MCTP1: variants seen among roughly 807,000 people sequenced by gnomAD.
MCTP1 encodes multiple C2 and transmembrane domain-containing protein 1.
MCTP1 carries 69 observed loss-of-function variants against 120.6 expected under a neutral mutation model. That is an observed-to-expected ratio of 0.57 (90% CI 0.47 to 0.70). The LOEUF is 0.70. MCTP1 is among the 30% of genes least tolerant of loss of function. The pLI is 0.00. For missense variants in MCTP1, 1,203 were observed against 1,248.8 expected, an observed-to-expected ratio of 0.96 and a Z score of 0.55; for synonymous variants, 529 against 493.1, an observed-to-expected ratio of 1.07 and a Z score of -0.96.
chr5:94,968,691 T>C (rs979593228), intron 2 of MCTP1, among the ~76,000 whole-genome samples: 4 of 152,210 alleles, frequency 2.6e-5, no homozygotes, highest in African/African-American at 9.6e-5. Flanking sequence ...AACCACAAGA[T>C]GGCAATAGTA....
At chr5:94,924,110 T>C (rs529179681) in intron 6 of MCTP1, 89 bp from the exon 7 acceptor site, 1 of 781,384 alleles carries the variant, frequency 1.3e-6, no homozygotes, top group Non-Finnish European at 1.9e-6. Flanking sequence ...TCAAAGCAAA[T>C]AAAAAATCGA....
At chr5:95,162,146 G>A (rs1348396187) in intron 1 of MCTP1, among the ~76,000 whole-genome samples, 2 of 152,170 alleles carry the variant, frequency 1.3e-5, no homozygotes, top group Non-Finnish European at 2.9e-5. Context: ...AGTAGGCTAA[G>A]AATAGCATTG....
intron 1 of MCTP1, among the ~76,000 whole-genome samples, chr5:95,088,315 C>G (rs1205606052): frequency 6.6e-6 from 1 of 152,204 alleles, no homozygotes; most frequent in Non-Finnish European, 1.5e-5. Flanking sequence ...TTCAAAGCAT[C>G]CTTACCCAGG....
intron 1 of MCTP1, among the ~76,000 whole-genome samples, chr5:95,216,365 A>G (rs961613297): frequency 6.6e-6 from 1 of 152,222 alleles, no homozygotes; most frequent in Admixed American, 6.5e-5. Flanking sequence ...AAGAAACTAC[A>G]GCTGGAAAAG....
At chr5:94,777,308 G>A (rs1171368115) in intron 19 of MCTP1, among the ~76,000 whole-genome samples, 1 of 152,116 alleles carries the variant, frequency 6.6e-6, no homozygotes, top group Non-Finnish European at 1.5e-5. Context: ...CAGAGATTTG[G>A]TGTTGTTTCC....
chr5:95,102,054 G>T (rs745844152), intron 1 of MCTP1, among the ~76,000 whole-genome samples: 2 of 152,192 alleles, frequency 1.3e-5, no homozygotes, highest in Admixed American at 1.3e-4. Flanking sequence ...ATAAAGCAAC[G>T]TGTCTTTGCA....
chr5:94,707,964 T>G (rs1177563743), intron 22 of MCTP1, among the ~76,000 whole-genome samples: 1 of 150,440 alleles, frequency 6.6e-6, no homozygotes, highest in Admixed American at 6.6e-5. Flanking sequence ...GTAACCCAGC[T>G]TCAGGATTTA....
At chr5:95,188,096 A>G (rs1749425246) in intron 1 of MCTP1, among the ~76,000 whole-genome samples, 2 of 152,214 alleles carry the variant, frequency 1.3e-5, no homozygotes, top group Admixed American at 6.5e-5. Context: ...AAAATGGACA[A>G]AAGACATGGA....
At chr5:95,150,879 G>C (rs1760833050) in intron 1 of MCTP1, among the ~76,000 whole-genome samples, 1 of 152,044 alleles carries the variant, frequency 6.6e-6, no homozygotes, top group Non-Finnish European at 1.5e-5. Context: ...ACCTACTGTT[G>C]ACTAGAAGCC....
intron 20 of MCTP1, among the ~76,000 whole-genome samples, chr5:94,711,805 A>C (rs1339070777): frequency 1.3e-5 from 2 of 152,188 alleles, no homozygotes; most frequent in East Asian, 3.9e-4. Context: ...ACAAAGGCAA[A>C]AACCATGATG....
chr5:95,222,894 C>T (rs151094381), intron 1 of MCTP1, among the ~76,000 whole-genome samples: 2 of 152,090 alleles, frequency 1.3e-5, no homozygotes, highest in Admixed American at 1.3e-4. Context: ...ATCACTTGAC[C>T]ATAGAGGCTG....
chr5:95,264,641 T>C (rs566437954), intron 1 of MCTP1, among the ~76,000 whole-genome samples: 1 of 152,310 alleles, frequency 6.6e-6, no homozygotes, highest in South Asian at 2.1e-4. Context: ...TTGGATTGAA[T>C]GCCCCTCACT....
intron 17 of MCTP1, among the ~76,000 whole-genome samples, chr5:94,861,970 A>G (rs1795893960): frequency 6.6e-6 from 1 of 151,794 alleles, no homozygotes; most frequent in Admixed American, 6.6e-5. Context: ...CCACCACGCC[A>G]ACTTTTATTG....
At chr5:95,254,533 A>G (rs1159168753) in intron 1 of MCTP1, among the ~76,000 whole-genome samples, 1 of 152,152 alleles carries the variant, frequency 6.6e-6, no homozygotes, top group Non-Finnish European at 1.5e-5. Context: ...TGATCTACAT[A>G]TGATGCCTTT....
intron 2 of MCTP1, among the ~76,000 whole-genome samples, chr5:95,015,437 A>G (rs73138045): frequency 0.019 from 2,875 of 152,166 alleles, 92 homozygotes; most frequent in African/African-American, 0.065. Flanking sequence ...GACTCAGATA[A>G]ATGCCATTTC....
At chr5:94,849,929 C>T (rs150349522) in intron 17 of MCTP1, among the ~76,000 whole-genome samples, 120 of 152,230 alleles carry the variant, frequency 7.9e-4, no homozygotes, top group African/African-American at 2.9e-3. Context: ...AAAAACAATG[C>T]TGGTCCTTTT....
intron 1 of MCTP1, among the ~76,000 whole-genome samples, chr5:95,170,417 T>C (rs993629019): frequency 6.6e-6 from 1 of 152,218 alleles, no homozygotes; most frequent in African/African-American, 2.4e-5. Flanking sequence ...TCTGTAGATG[T>C]CTATTAGGTC....
chr5:94,953,193 C>G (rs773001101), intron 3 of MCTP1, 26 bp downstream of exon 3: 4 of 1,561,714 alleles, frequency 2.6e-6, no homozygotes, highest in Non-Finnish European at 2.6e-6. Context: ...CAGTTTCTAT[C>G]AGGAAAAAAC....
intron 1 of MCTP1, among the ~76,000 whole-genome samples, chr5:95,140,847 TC>T (rs1407494013): frequency 8.7e-6 from 1 of 115,028 alleles, no homozygotes; most frequent in Non-Finnish European, 1.6e-5. Flanking sequence ...GCCACTGCAC[TC>T]CAGCCTGGGC....
Sources: gnomAD v4.1 joint callset for allele counts (sites outside exome capture counted in the v4.1 genomes callset) on GRCh38, gnomAD v4.1.1 for gene constraint, MANE v1.5 for transcripts, NCBI Gene and HGNC (gene_info 2026-07-23, HGNC 2026-07-21) for gene names.